The following SF3A2 variants were observed in gnomAD, a reference collection of about 807,000 sequenced individuals.
SF3A2 encodes splicing factor 3a subunit 2.
Under a neutral mutation model 31.1 loss-of-function variants are expected in SF3A2, and 5 were observed. That is an observed-to-expected ratio of 0.16 (90% CI 0.08 to 0.34). The LOEUF (loss-of-function observed/expected upper bound fraction) is 0.34. Ranked by LOEUF, SF3A2 falls within the 10% of genes least tolerant of loss-of-function variation. The pLI is 1.00. For missense variants in SF3A2, 577 were observed against 643.9 expected, an observed-to-expected ratio of 0.90 and a Z score of 1.13; for synonymous variants, 365 against 263.7, an observed-to-expected ratio of 1.38 and a Z score of -3.72.
intron 1 of SF3A2, among the ~76,000 whole-genome samples, chr19:2,243,111 C>T (rs2024905014): frequency 6.6e-6 from 1 of 152,192 alleles, no homozygotes; most frequent in African/African-American, 2.4e-5. Flanking sequence ...GCACCCTGGG[C>T]TGGAGCGGCT....
At chr19:2,240,054 C>T (rs1440134317) in intron 1 of SF3A2, among the ~76,000 whole-genome samples, 1 of 152,230 alleles carries the variant, frequency 6.6e-6, no homozygotes, top group East Asian at 1.9e-4. Flanking sequence ...ACTTCTCATC[C>T]AGGGAGGTCA....
rs749801469 is a variant in SF3A2, at chr19:2,247,668, T to G, written c.615+6T>G. On this transcript the variant is annotated splice_donor_region_variant and intron_variant, in intron 8 of 8. Transcript: ENST00000221494. The stretch of plus-strand genomic sequence containing the variant: ...GGAACCGGGAGACCAAGCAGGTGAG[T>G]GGCTCGCCCCGAGCCTGGCTCCTTC... The G allele has an allele frequency of 6.2e-7, 1 of 1,612,868 alleles. No individual in the cohort carries two copies. Among genetic ancestry groups the G allele is most frequent in the African/African-American group, 1.3e-5 (1 of 74,830 alleles).
chr19:2,248,168 AG>A lies in SF3A2; in HGVS notation c.1018del (p.Ala340ProfsTer106). 7.2e-7 allele frequency: 1 copy of A among 1,379,844 alleles called. No individual in the cohort carries two copies. The highest frequency in any genetic ancestry group is 2.1e-5 in the Admixed American group (1 of 46,568). 85.5% of individuals were successfully genotyped at this position (1,379,844 alleles called of 1,614,324 possible). A position where few individuals can be genotyped will look rare whatever the true frequency, so the allele number is the denominator to read the frequency against. Reference protein sequence around the residue: ...HPPAPGVHPPAPGVHPPAPGV... With the variant: ...HPPAPGVHPPXPGVHPPAPGV... ...CCCCAGCTCCTGGAGTCCACCCTCC[AG>A]CCCCCGGGGTTCACCCACCAGCCCC... On this transcript the variant is annotated frameshift_variant, in exon 9 of 9. Coordinates refer to ENST00000221494, the MANE Select transcript of SF3A2 (RefSeq NM_007165.5). LOFTEE classifies it low-confidence loss of function (END_TRUNC).
At chr19:2,244,975 A>G (rs1171810477) in intron 4 of SF3A2, 196 bp downstream of exon 4, 9 of 596,950 alleles carry the variant, frequency 1.5e-5, no homozygotes, top group Admixed American at 3.0e-5. Context: ...ACTTGAGGTC[A>G]GGAGTTCGAG....
chr19:2,240,474 G>T (rs942661624), intron 1 of SF3A2, among the ~76,000 whole-genome samples: 1 of 152,228 alleles, frequency 6.6e-6, no homozygotes, highest in Admixed American at 6.5e-5. Context: ...GTGGGTGTTC[G>T]GTGGCTGCGA....
chr19:2,240,246 C>T (rs1306795528), intron 1 of SF3A2, among the ~76,000 whole-genome samples: 1 of 152,252 alleles, frequency 6.6e-6, no homozygotes, highest in African/African-American at 2.4e-5. Flanking sequence ...AACCGCCAGA[C>T]TTCCCGCTGC....
intron 1 of SF3A2, among the ~76,000 whole-genome samples, chr19:2,238,978 C>CG (rs2024865078): frequency 6.6e-6 from 1 of 152,072 alleles, no homozygotes; most frequent in South Asian, 2.1e-4. Context: ...TGATTTTTTT[C>CG]GGGGGGTGGG....
intron 1 of SF3A2, among the ~76,000 whole-genome samples, chr19:2,239,370 A>G (rs1363005123): frequency 1.3e-5 from 2 of 151,932 alleles, no homozygotes; most frequent in Non-Finnish European, 2.9e-5. Flanking sequence ...AAAAAAAAAA[A>G]AAAAAGAGAG....
rs2024930191 is a variant in SF3A2 at position 2,246,125 on chromosome 19, C to T, written c.355+570C>T. On this transcript the variant is annotated intron_variant, in intron 5 of 8. Coordinates refer to ENST00000221494, the MANE Select transcript of SF3A2 (RefSeq NM_007165.5). The surrounding 1 kb of genome is among the most constrained non-coding windows in gnomAD (Gnocchi z 5.5). ...TGTGTGCCTGGCCTCCAGACAGAAGCCTGCAGGGCAGAGGTCCCGGGGCAG... is the reference window on the plus strand; with the variant it reads ...TGTGTGCCTGGCCTCCAGACAGAAGTCTGCAGGGCAGAGGTCCCGGGGCAG... 1.3e-5 allele frequency among the ~76,000 whole-genome samples: 2 copies of T among 152,230 alleles called. No homozygotes were observed. The highest frequency in any genetic ancestry group is 2.9e-5 in the Non-Finnish European group (2 of 68,036).
At chr19:2,237,802 C>T (rs2024847483) in intron 1 of SF3A2, 1 of 152,184 alleles carries the variant, frequency 6.6e-6, no homozygotes, top group African/African-American at 2.4e-5. Flanking sequence ...AACACGTTAG[C>T]TGGCCCCATT....
chr19:2,247,423 GTC>G (rs2024948717), intron 7 of SF3A2, among the ~76,000 whole-genome samples, 169 bp from the exon 8 acceptor site: 1 of 152,158 alleles, frequency 6.6e-6, no homozygotes, highest in South Asian at 2.1e-4. Flanking sequence ...TTGAGGCCAG[GTC>G]TGTTTCACTC....
intron 7 of SF3A2, 106 bp downstream of exon 7, chr19:2,247,128 G>GCC (rs59758246): frequency 2.6e-6 from 3 of 1,152,066 alleles, no homozygotes; most frequent in South Asian, 1.6e-5. Flanking sequence ...GGTCCCCTGG[G>GCC]CCCCCCCCAA....
At chr19:2,241,853 A>T (rs2024892440) in intron 1 of SF3A2, among the ~76,000 whole-genome samples, 1 of 152,246 alleles carries the variant, frequency 6.6e-6, no homozygotes, top group Non-Finnish European at 1.5e-5. Flanking sequence ...CAACATGTAA[A>T]AATGGGCATC....
At position 2,247,910 on chromosome 19, in the gene SF3A2, G is replaced by A. The variant is rs1315243138; in HGVS notation, c.759G>A (p.Pro253=). 29 of 1,557,080 alleles carry A rather than the reference G, an allele frequency of 1.9e-5. No homozygotes were observed. In the East Asian group the frequency reaches 3.9e-4, roughly 21 times the overall value. The change falls in exon 9 of 9, where the codon CCG becomes CCA. Residue 253 remains proline, a synonymous_variant. Transcript: ENST00000221494. ...PRPPLPESLP[P]PPPGGLPLPP... ...CACCGCTGCCTGAGTCTTTGCCACC[G>A]CCCCCGCCAGGAGGCCTGCCTCTGC...
chr19:2,238,348 G>A (rs931816606), intron 1 of SF3A2, among the ~76,000 whole-genome samples: 1 of 152,072 alleles, frequency 6.6e-6, no homozygotes, highest in Non-Finnish European at 1.5e-5. Flanking sequence ...GTAGAGATGG[G>A]GTTTTACCAG....
intron 1 of SF3A2, among the ~76,000 whole-genome samples, chr19:2,242,864 G>T (rs1444770724): frequency 6.6e-6 from 1 of 152,188 alleles, no homozygotes; most frequent in African/African-American, 2.4e-5. Flanking sequence ...AGGATGCGAA[G>T]ATCAGTGTCC....
At chr19:2,243,338 C>A in intron 1 of SF3A2, 44 bp from the exon 2 acceptor site, 2 of 1,433,938 alleles carry the variant, frequency 1.4e-6, no homozygotes, top group Non-Finnish European at 1.8e-6. Flanking sequence ...GCAGCAGCCC[C>A]GAGTTCTGAG....
rs1431297843 is a variant in SF3A2 at position 2,245,177 on chromosome 19, CTT to C, written c.246-268_246-267del. 2 of 487,284 alleles carry C rather than the reference CTT, an allele frequency of 4.1e-6. No homozygotes were observed. The highest frequency in any genetic ancestry group is 7.2e-6 in the Non-Finnish European group (2 of 276,544). The allele number at this position is 487,284 out of a possible 1,614,324, so 30.2% of individuals were successfully genotyped here. A position where few individuals can be genotyped will look rare whatever the true frequency, so the allele number is the denominator to read the frequency against. ...CCATCCTGGGCGACAGAGTGAGACT[CTT>C]GTCTTATTAAAAAAAAAAAAAAAGA... On this transcript the variant is annotated intron_variant, in intron 4 of 8. Transcript: ENST00000221494. The surrounding 1 kb of genome is among the most constrained non-coding windows in gnomAD (Gnocchi z 4.2).
At chr19:2,247,185 A>ATTGGGCTCTGCAGGAGGGCCTGC in intron 7 of SF3A2, 163 bp downstream of exon 7, 5 of 599,824 alleles carry the variant, frequency 8.3e-6, no homozygotes, top group South Asian at 4.6e-5. Context: ...CACCTCTCCC[A>ATTGGGCTCTGCAGGAGGGCCTGC]TTGGGCTCTG....
Sources: gnomAD v4.1 joint callset for allele counts (sites outside exome capture counted in the v4.1 genomes callset) on GRCh38, gnomAD v4.1.1 for gene constraint, Gnocchi (gnomAD v3.1) non-coding constraint, MANE v1.5 for transcripts, NCBI Gene and HGNC (gene_info 2026-07-23, HGNC 2026-07-21) for gene names.